SCAF1: variants seen among roughly 807,000 people sequenced by gnomAD.
SCAF1 encodes the protein splicing factor, arginine/serine-rich 19.
A neutral mutation model predicts 91.2 loss-of-function variants in SCAF1; 28 were observed. The observed-to-expected ratio is 0.31, with a 90% CI of 0.23 to 0.42. SCAF1 has a LOEUF of 0.42. Ranked by LOEUF, SCAF1 falls within the 10% of genes least tolerant of loss-of-function variation. SCAF1 has a pLI of 1.00. For synonymous variants in SCAF1, 1,036 were observed against 833.7 expected (o/e 1.24, Z -4.18); for missense variants, 1,893 against 1,872.1 (o/e 1.01, Z -0.21).
rs1403078129 is a variant in SCAF1, at chr19:49,646,884, C to T, written c.478+54C>T. 4.9e-6 allele frequency: 7 copies of T among 1,418,034 alleles called. No homozygotes were observed. Among genetic ancestry groups the T allele is most frequent in the African/African-American group, 2.9e-5 (2 of 70,040 alleles). 87.8% of individuals were successfully genotyped at this position (1,418,034 alleles called of 1,614,324 possible). A position where few individuals can be genotyped will look rare whatever the true frequency, so the allele number is the denominator to read the frequency against. ...GGTGGTCGTGGAGTTGTGTGGGGAT[C>T]GGCTGTTTTTGGTAGTGATGGTAGC... On this transcript the variant is annotated intron_variant, in intron 6 of 10. Coordinates refer to ENST00000360565, the MANE Select transcript of SCAF1 (RefSeq NM_021228.3). The surrounding 1 kb of genome is among the most constrained non-coding windows in gnomAD (Gnocchi z 5.6).
chr19:49,651,051 C>A lies in SCAF1; in HGVS notation c.662C>A (p.Pro221His). ...PPPPPAPPAP[P>H]APRFDIYDPF... ...CCGCCCCCTGCACCCCCAGCCCCAC[C>A]TGCCCCCCGATTCGATATCTATGAC... Residue 221 changes from proline (P) to histidine (H), a missense_variant, in exon 7 of 11, where the codon CCT becomes CAT. Physicochemically the swap from Pro to His is moderately conservative, Grantham distance 77. Transcript: ENST00000360565. 1 of 1,427,256 alleles carries A rather than the reference C, an allele frequency of 7.0e-7. No homozygotes were observed. Among genetic ancestry groups the A allele is most frequent in the Non-Finnish European group, 9.4e-7 (1 of 1,064,566 alleles). 88.4% of individuals were successfully genotyped at this position (1,427,256 alleles called of 1,614,324 possible). A position where few individuals can be genotyped will look rare whatever the true frequency, so the allele number is the denominator to read the frequency against.
At chr19:49,641,314 A>G (rs184817754), upstream of SCAF1, among the ~76,000 whole-genome samples, 842 of 152,030 alleles carry the variant, frequency 5.5e-3, 5 homozygotes, top group Non-Finnish European at 9.4e-3. Flanking sequence ...TTCTAAGTTT[A>G]TTTTTATTTG....
chr19:49,650,393 TC>T (rs1407524813), intron 6 of SCAF1, among the ~76,000 whole-genome samples: 2 of 152,112 alleles, frequency 1.3e-5, no homozygotes, highest in Non-Finnish European at 2.9e-5. Flanking sequence ...ATCCCAGCTC[TC>T]CCCCTGCAGC....
chr19:49,658,355 C>T lies in SCAF1; in HGVS notation c.3895C>T (p.Pro1299Ser), dbSNP rs1234803860. ...GPPRPPKEPGPPDKGGPGLPL... is the reference protein window; with the variant it reads ...GPPRPPKEPGSPDKGGPGLPL... ...CCCACGGCCGCCCAAGGAGCCAGGG[C>T]CCCCAGACAAGGGTGGCCCGGGCCT... is the stretch of plus-strand genomic sequence containing the variant. The change falls in exon 11 of 11, where the codon CCC becomes TCC. Residue 1299 changes from proline to serine, a missense_variant. Pro to Ser is a moderately conservative substitution (Grantham distance 74). Around this residue, in one of 5 missense-constraint regions of SCAF1, gnomAD observed 51 missense variants for 49.9 expected, o/e 1.02. Coordinates refer to ENST00000360565, the MANE Select transcript of SCAF1 (RefSeq NM_021228.3). The T allele has an allele frequency of 3.2e-6, 5 of 1,567,898 alleles. No individual in the cohort carries two copies. Among genetic ancestry groups the T allele is most frequent in the African/African-American group, 1.4e-5 (1 of 73,644 alleles).
Position 49,658,619 on chromosome 19 carries a change from C to T in SCAF1, c.*220C>T. On this transcript the variant is annotated 3_prime_UTR_variant, in exon 11 of 11. Coordinates refer to ENST00000360565, the MANE Select transcript of SCAF1 (RefSeq NM_021228.3). ...CTGTTTGTGCCCCTCTCCCCAATTT[C>T]ATTAAAGATTTCATGAAACATTACC... 1 of 575,808 alleles carries T rather than the reference C, an allele frequency of 1.7e-6. No homozygotes were observed. Among genetic ancestry groups the T allele is most frequent in the Non-Finnish European group, 3.1e-6 (1 of 324,446 alleles). The allele number at this position is 575,808 out of a possible 1,614,324, so 35.7% of individuals were successfully genotyped here. A position where few individuals can be genotyped will look rare whatever the true frequency, so the allele number is the denominator to read the frequency against.
intron 1 of SCAF1, among the ~76,000 whole-genome samples, chr19:49,643,369 C>G (rs556364096): frequency 1.2e-4 from 18 of 152,316 alleles, no homozygotes; most frequent in African/African-American, 3.8e-4. Context: ...TTAACATTAA[C>G]TCACCTTCCA....
At chr19:49,656,518 G>A (rs1031777379) in intron 9 of SCAF1, among the ~76,000 whole-genome samples, 1 of 152,204 alleles carries the variant, frequency 6.6e-6, no homozygotes, top group African/African-American at 2.4e-5. Context: ...TGTCCCTTGT[G>A]CCTGCAGAAG....
chr19:49,652,084 C>G lies in SCAF1; in HGVS notation c.1695C>G (p.His565Gln). The part of the protein sequence containing the change: ...HRSRDRKPGS[H>Q]ASSSARRRSR... The stretch of plus-strand genomic sequence containing the variant: ...CGCGGGACCGCAAGCCCGGCTCCCA[C>G]GCCTCGTCGTCCGCCCGCCGCCGCT... Residue 565 changes from histidine (H) to glutamine (Q), a missense_variant, in exon 7 of 11, where the codon CAC becomes CAG. Coordinates refer to ENST00000360565, the MANE Select transcript of SCAF1 (RefSeq NM_021228.3). 6 of 1,188,188 alleles carry G rather than the reference C, an allele frequency of 5.0e-6. No individual in the cohort carries two copies. Among genetic ancestry groups the G allele is most frequent in the Non-Finnish European group, 5.3e-6 (5 of 947,996 alleles). The allele number at this position is 1,188,188 out of a possible 1,614,324, so 73.6% of individuals were successfully genotyped here.
In SCAF1 at chr19:49,654,525, A is replaced by T. The variant is rs1305038615; in HGVS notation, c.3399+94A>T. The T allele has an allele frequency of 2.1e-6, 3 of 1,405,640 alleles. No homozygotes were observed. The African/African-American group carries it at 4.3e-5, about 20-fold the overall frequency. The allele number at this position is 1,405,640 out of a possible 1,614,324, so 87.1% of individuals were successfully genotyped here. A position where few individuals can be genotyped will look rare whatever the true frequency, so the allele number is the denominator to read the frequency against. On this transcript the variant is annotated intron_variant, in intron 8 of 10. Coordinates refer to ENST00000360565, the MANE Select transcript of SCAF1 (RefSeq NM_021228.3). ...CCGCGGGCCTGGCAGCTCTGGGGCAAGGTATCGGCCTGAAGAGGAGCCTGT... is the reference window on the plus strand; with the variant it reads ...CCGCGGGCCTGGCAGCTCTGGGGCATGGTATCGGCCTGAAGAGGAGCCTGT...
Position 49,652,437 on chromosome 19 carries a change from G to C in SCAF1, c.2048G>C (p.Arg683Pro), listed in dbSNP as rs753233955. 3 of 1,598,708 alleles carry C rather than the reference G, an allele frequency of 1.9e-6. No homozygotes were observed. The highest frequency in any genetic ancestry group is 1.7e-4 in the Middle Eastern group (1 of 6,042). ...TSCGDRDSRR[R>P]GAVPPSIQDL... is the part of the protein sequence containing the mutation. ...TGTGGTGACCGCGACAGCCGCCGCC[G>C]GGGGGCCGTGCCACCCTCCATCCAG... Residue 683 changes from arginine (R) to proline (P), a missense_variant, in exon 7 of 11, where the codon CGG (arginine) becomes CCG (proline). This residue lies in a region of SCAF1 where 1,436 missense variants were observed against 1,306.8 expected (regional missense o/e 1.10). Coordinates refer to ENST00000360565, the MANE Select transcript of SCAF1 (RefSeq NM_021228.3).
chr19:49,651,864 A>G lies in SCAF1; in HGVS notation c.1475A>G (p.Glu492Gly). ...LRRKILTQRR[E>G]RYRQRSPSPA... is the part of the protein sequence containing the mutation. ...CGCAAGATCCTGACCCAACGGCGGG[A>G]GCGCTACCGCCAGCGCTCGCCCTCC... is the stretch of plus-strand genomic sequence containing the variant. Residue 492 changes from glutamate to glycine, a missense_variant, in exon 7 of 11, where the codon GAG becomes GGG. Coordinates refer to ENST00000360565, the MANE Select transcript of SCAF1 (RefSeq NM_021228.3). The G allele has an allele frequency of 2.4e-6, 3 of 1,236,166 alleles. No homozygotes were observed. The highest frequency in any genetic ancestry group is 2.0e-6 in the Non-Finnish European group (2 of 988,906). The allele number at this position is 1,236,166 out of a possible 1,614,324, so 76.6% of individuals were successfully genotyped here.
At chr19:49,650,843 CCTCT>C (rs763717403) in intron 6 of SCAF1, 21 bp from the exon 7 acceptor site, 3 of 1,583,066 alleles carry the variant, frequency 1.9e-6, no homozygotes, top group Non-Finnish European at 2.6e-6. Flanking sequence ...GCCCTGACCG[CCTCT>C]CTCTCCCTGT....
In SCAF1 at chr19:49,652,850, T is replaced by C; in HGVS notation, c.2461T>C (p.Ser821Pro). The C allele has an allele frequency of 6.2e-7, 1 of 1,613,992 alleles. No individual in the cohort carries two copies. The highest frequency in any genetic ancestry group is 8.5e-7 in the Non-Finnish European group (1 of 1,179,974). Residue 821 changes from serine to proline, a missense_variant, in exon 7 of 11, where the codon TCC becomes CCC. Around this residue, in one of 5 missense-constraint regions of SCAF1, gnomAD observed 1,436 missense variants for 1,306.8 expected, o/e 1.10. Transcript: ENST00000360565. ...AGTCAGCAGCGGCTCAGGCTCTTCATCCTCGTCGTCCTCCTGTTCTTCCCG... is the reference window on the plus strand; with the variant it reads ...AGTCAGCAGCGGCTCAGGCTCTTCACCCTCGTCGTCCTCCTGTTCTTCCCG... ...PPVSSGSGSS[S>P]SSSSCSSRKV...
rs1052716974 is a variant in SCAF1 at position 49,658,541 on chromosome 19, T to G, written c.*142T>G. 10 of 623,570 alleles carry G rather than the reference T, an allele frequency of 1.6e-5. No homozygotes were observed. Among genetic ancestry groups the G allele is most frequent in the Non-Finnish European group, 2.8e-5 (10 of 353,954 alleles). 38.6% of individuals were successfully genotyped at this position (623,570 alleles called of 1,614,324 possible). A position where few individuals can be genotyped will look rare whatever the true frequency, so the allele number is the denominator to read the frequency against. On this transcript the variant is annotated 3_prime_UTR_variant, in exon 11 of 11. Coordinates refer to ENST00000360565, the MANE Select transcript of SCAF1 (RefSeq NM_021228.3). ...AAGAGGAGAGCCCCCTGCCCTGCCC[T>G]GCCCCGTGTCCACCTCCCTTGCCCC...
At chr19:49,657,382 C>T (rs1008273096) in intron 9 of SCAF1, among the ~76,000 whole-genome samples, 50 of 152,170 alleles carry the variant, frequency 3.3e-4, no homozygotes, top group African/African-American at 1.2e-3. Flanking sequence ...GTGAAAAGCC[C>T]TGTGCAGTTT....
rs772867766 is a variant in SCAF1 at position 49,653,064 on chromosome 19, C to T, written c.2675C>T (p.Pro892Leu). Reference sequence around the variant, plus strand: ...CCCACTGAGATGGCCAAAGCAGCTCCGGGCAGCACCAAGCCCAAAAAGACC... The same window carrying T: ...CCCACTGAGATGGCCAAAGCAGCTCTGGGCAGCACCAAGCCCAAAAAGACC... ...RAPTEMAKAA[P>L]GSTKPKKTKV... Residue 892 changes from proline to leucine, a missense_variant, in exon 7 of 11, where the codon CCG (proline) becomes CTG (leucine). Pro to Leu is a moderately conservative substitution (Grantham distance 98, BLOSUM62 -3). Coordinates refer to ENST00000360565, the MANE Select transcript of SCAF1 (RefSeq NM_021228.3). The T allele has an allele frequency of 3.8e-5, 62 of 1,613,742 alleles. 2 individuals carry two copies. In the South Asian group the frequency reaches 6.0e-4, roughly 16 times the overall value.
rs751884290 is a variant in SCAF1 at position 49,646,218 on chromosome 19, G to A, written c.261+16G>A. On this transcript the variant is annotated intron_variant, in intron 4 of 10. Transcript: ENST00000360565. The surrounding 1 kb of genome is among the most constrained non-coding windows in gnomAD (Gnocchi z 5.6). ...CACGGCTACTGTGAGTAAGAAGAGG[G>A]GGCTGGGGGCCTGGCTCACGGGTAT... 8 of 1,596,684 alleles carry A rather than the reference G, an allele frequency of 5.0e-6. No individual in the cohort carries two copies. Among genetic ancestry groups the A allele is most frequent in the African/African-American group, 1.3e-5 (1 of 74,306 alleles).
Position 49,652,530 on chromosome 19 carries a change from A to G in SCAF1, c.2141A>G (p.Asp714Gly). The G allele has an allele frequency of 3.2e-6, 5 of 1,565,352 alleles. No individual in the cohort carries two copies. The highest frequency in any genetic ancestry group is 4.3e-6 in the Non-Finnish European group (5 of 1,154,990). ...ACGGTGGGCCGGCTTGACAAGTCCG[A>G]CCCCCGAGGACCCTCTCCTGCTCCG... is the stretch of plus-strand genomic sequence containing the variant. ...TITVGRLDKS[D>G]PRGPSPAPAS... Residue 714 changes from aspartate to glycine, a missense_variant, in exon 7 of 11, where the codon GAC (aspartate) becomes GGC (glycine). Coordinates refer to ENST00000360565, the MANE Select transcript of SCAF1 (RefSeq NM_021228.3).
In SCAF1 at chr19:49,651,463, G is replaced by C. The variant is rs771990048; in HGVS notation, c.1074G>C (p.Glu358Asp). The change falls in exon 7 of 11, where the codon GAG becomes GAC. Residue 358 changes from glutamate (E) to aspartate (D), a missense_variant. Physicochemically the swap from Glu to Asp is conservative, Grantham distance 45. Transcript: ENST00000360565. ...MRRRVFVVGT[E>D]AEACREGKVS... ...GGCGGGTCTTCGTGGTGGGGACCGA[G>C]GCAGAGGCTTGTCGGGAAGGCAAGG... is the stretch of plus-strand genomic sequence containing the variant. 5.0e-6 allele frequency: 8 copies of C among 1,590,740 alleles called. No homozygotes were observed. Among genetic ancestry groups the C allele is most frequent in the Admixed American group, 3.5e-5 (2 of 57,186 alleles).
Sources: allele counts gnomAD v4.1 joint callset (sites outside exome capture counted in the v4.1 genomes callset), GRCh38; gene constraint gnomAD v4.1.1; regional missense constraint gnomAD v4.1.1; non-coding constraint Gnocchi (gnomAD v3.1); transcripts MANE v1.5; gene names NCBI Gene and HGNC (gene_info 2026-07-23, HGNC 2026-07-21).